EXOC4: variants seen among roughly 807,000 people sequenced by gnomAD.
EXOC4 encodes exocyst complex component 4.
In EXOC4, 71 loss-of-function variants were observed where a neutral mutation model predicts 107.2. The observed-to-expected ratio is 0.66, with a 90% confidence interval of 0.55 to 0.81. EXOC4 has a LOEUF of 0.81. Among genes scored for constraint, EXOC4 ranks in the 30% least tolerant of loss-of-function variants. The pLI is 0.00. For synonymous variants in EXOC4, 456 were observed against 441.2 expected, an observed-to-expected ratio of 1.03 and a Z score of -0.42; for missense variants, 1,108 against 1,189.6, an observed-to-expected ratio of 0.93 and a Z score of 1.01.
chr7:133,500,911 A>T (rs1404223525), intron 9 of EXOC4, among the ~76,000 whole-genome samples: 1 of 152,124 alleles, frequency 6.6e-6, no homozygotes, highest in East Asian at 1.9e-4. Flanking sequence ...TCAACCTCAA[A>T]TCCTTTTTCT....
At chr7:133,515,858 A>G (rs1799866213) in intron 9 of EXOC4, among the ~76,000 whole-genome samples, 1 of 152,060 alleles carries the variant, frequency 6.6e-6, no homozygotes, top group Non-Finnish European at 1.5e-5. Flanking sequence ...CACCAACAAC[A>G]TCTCTTCTTA....
intron 9 of EXOC4, among the ~76,000 whole-genome samples, chr7:133,566,631 T>C (rs1164604396): frequency 6.6e-6 from 1 of 152,192 alleles, no homozygotes; most frequent in Admixed American, 6.5e-5. Context: ...ATATTAGAAC[T>C]TGGTTACTTG....
chr7:133,495,295 C>A (rs932837749), intron 9 of EXOC4, among the ~76,000 whole-genome samples: 3 of 151,840 alleles, frequency 2.0e-5, no homozygotes, highest in Non-Finnish European at 4.4e-5. Context: ...GTTTTAGATG[C>A]CTGTACACTG....
intron 9 of EXOC4, among the ~76,000 whole-genome samples, chr7:133,624,632 G>A (rs971933103): frequency 2.0e-5 from 3 of 151,710 alleles, no homozygotes; most frequent in African/African-American, 4.8e-5. Context: ...TCGCTCTGTC[G>A]GCCAGGTTGG....
At chr7:133,303,245 C>G (rs1040100028) in intron 3 of EXOC4, among the ~76,000 whole-genome samples, 5 of 152,090 alleles carry the variant, frequency 3.3e-5, no homozygotes, top group Non-Finnish European at 7.4e-5. Flanking sequence ...CCAGCCTGGC[C>G]AACATGGTGA....
the EXOC4 span, among the ~76,000 whole-genome samples, chr7:134,073,230 A>AAAAAAAC: frequency 2.7e-4 from 5 of 18,428 alleles, no homozygotes; most frequent in South Asian, 6.4e-3. Flanking sequence ...AAAAAAAAAA[A>AAAAAAAC]AACAACAAAG....
At chr7:133,270,920 C>CTTT (rs34668596) in intron 1 of EXOC4, among the ~76,000 whole-genome samples, 4 of 136,300 alleles carry the variant, frequency 2.9e-5, no homozygotes, top group South Asian at 2.4e-4. Context: ...TCATGCTTTG[C>CTTT]TTTTTTTTTT....
At chr7:133,373,295 T>C (rs1389221492) in intron 6 of EXOC4, among the ~76,000 whole-genome samples, 1 of 152,238 alleles carries the variant, frequency 6.6e-6, no homozygotes, top group Admixed American at 6.5e-5. Flanking sequence ...TTTAGATATA[T>C]GTGAGTATAA....
chr7:133,829,278 T>C (rs1469799874), intron 11 of EXOC4, among the ~76,000 whole-genome samples: 1 of 152,124 alleles, frequency 6.6e-6, no homozygotes, highest in African/African-American at 2.4e-5. Flanking sequence ...CAGTTTACTT[T>C]TGAAGTGAAA....
At chr7:133,799,119 A>G (rs1796878341) in intron 10 of EXOC4, among the ~76,000 whole-genome samples, 1 of 152,228 alleles carries the variant, frequency 6.6e-6, no homozygotes. Flanking sequence ...AAAATTGCTT[A>G]GCAAGTTAGA....
At chr7:133,967,534 T>C (rs915416464) in intron 14 of EXOC4, among the ~76,000 whole-genome samples, 1 of 152,232 alleles carries the variant, frequency 6.6e-6, no homozygotes, top group Non-Finnish European at 1.5e-5. Flanking sequence ...TGTGTCTTTG[T>C]TCTCATTGGT....
At chr7:133,590,462 C>G (rs555812640) in intron 9 of EXOC4, among the ~76,000 whole-genome samples, 1 of 152,186 alleles carries the variant, frequency 6.6e-6, no homozygotes, top group East Asian at 1.9e-4. Flanking sequence ...GCCCAAAGTC[C>G]TGTTTTCTCA....
chr7:133,624,571 A>G (rs1802409210), intron 9 of EXOC4, among the ~76,000 whole-genome samples: 1 of 152,108 alleles, frequency 6.6e-6, no homozygotes, highest in South Asian at 2.1e-4. Context: ...CAACAGAGCA[A>G]GACTGCATCT....
chr7:133,525,374 G>A (rs925570281), intron 9 of EXOC4, among the ~76,000 whole-genome samples: 1 of 152,142 alleles, frequency 6.6e-6, no homozygotes, highest in Non-Finnish European at 1.5e-5. Context: ...AGAATAATAA[G>A]CTAGTGTTGC....
At chr7:133,643,864 G>A (rs1345760591) in intron 10 of EXOC4, among the ~76,000 whole-genome samples, 2 of 152,206 alleles carry the variant, frequency 1.3e-5, no homozygotes, top group African/African-American at 4.8e-5. Flanking sequence ...AACTGGTCAC[G>A]TGGTCATGGC....
chr7:133,366,094 G>A (rs753423998), intron 6 of EXOC4, among the ~76,000 whole-genome samples: 1 of 152,146 alleles, frequency 6.6e-6, no homozygotes, highest in Non-Finnish European at 1.5e-5. Context: ...GCAAACGTGG[G>A]TTTTCCAGCC....
At chr7:134,087,536 C>T in the EXOC4 span, among the ~76,000 whole-genome samples, 2 of 152,110 alleles carry the variant, frequency 1.3e-5, no homozygotes, top group Non-Finnish European at 2.9e-5. Context: ...CCCAAGTAAG[C>T]TAAATTAGAA....
chr7:133,446,692 T>C (rs1798228297), intron 7 of EXOC4, among the ~76,000 whole-genome samples: 2 of 152,364 alleles, frequency 1.3e-5, no homozygotes, highest in South Asian at 2.1e-4. Context: ...TTTTAATGTT[T>C]TATAAAGTAT....
intron 14 of EXOC4, among the ~76,000 whole-genome samples, chr7:133,940,045 A>G (rs570334463): frequency 2.0e-5 from 3 of 152,300 alleles, no homozygotes; most frequent in African/African-American, 7.2e-5. Flanking sequence ...TAGTTTATTT[A>G]GTAATGTTTG....
Sources: gnomAD v4.1 joint callset for allele counts (sites outside exome capture counted in the v4.1 genomes callset) on GRCh38, gnomAD v4.1.1 for gene constraint, MANE v1.5 for transcripts, NCBI Gene and HGNC (gene_info 2026-07-23, HGNC 2026-07-21) for gene names.